The following ATF7IP2 variants were observed in gnomAD, a reference collection of about 807,000 sequenced individuals.
ATF7IP2 encodes the protein activating transcription factor 7-interacting protein 2.
In ATF7IP2, 42 loss-of-function variants were observed where a neutral mutation model predicts 64.2. The observed-to-expected ratio is 0.65, with a 90% CI of 0.51 to 0.85. ATF7IP2 has a LOEUF of 0.85. Ranked by LOEUF, ATF7IP2 falls within the 40% of genes least tolerant of loss-of-function variation. ATF7IP2 has a pLI of 0.00. For synonymous variants in ATF7IP2, 308 were observed against 272.8 expected (o/e 1.13, Z -1.27); for missense variants, 933 against 784.2 (o/e 1.19, Z -2.27).
At position 10,457,225 on chromosome 16, in the gene ATF7IP2, A is replaced by G. The variant is rs1447733251; in HGVS notation, c.1195-147A>G. On this transcript the variant is annotated intron_variant, in intron 8 of 13. Coordinates refer to ENST00000562102, the MANE Select transcript of ATF7IP2 (RefSeq NM_001393719.1). The stretch of plus-strand genomic sequence containing the variant: ...AATTCATTTTGGCAGGCAAATCACA[A>G]TCATGGTCATCAGCCATCGAAATAC... 4 of 646,846 alleles carry G rather than the reference A, an allele frequency of 6.2e-6. No homozygotes were observed. The East Asian group carries it at 9.2e-5, about 15-fold the overall frequency. 40.1% of individuals were successfully genotyped at this position (646,846 alleles called of 1,614,324 possible).
intron 1 of ATF7IP2, among the ~76,000 whole-genome samples, chr16:10,408,117 G>T (rs1300402707): frequency 6.6e-6 from 1 of 151,930 alleles, no homozygotes; most frequent in Non-Finnish European, 1.5e-5. Context: ...TCACAATGTT[G>T]GCCAGGATGA....
chr16:10,459,410 G>T (rs528357850), intron 9 of ATF7IP2, among the ~76,000 whole-genome samples: 4 of 151,722 alleles, frequency 2.6e-5, no homozygotes, highest in Admixed American at 6.6e-5. Context: ...GGAGCTTGCA[G>T]TGAGCCGGTA....
chr16:10,463,651 A>G (rs764653727), intron 9 of ATF7IP2, among the ~76,000 whole-genome samples: 2 of 152,094 alleles, frequency 1.3e-5, no homozygotes, highest in Non-Finnish European at 2.9e-5. Flanking sequence ...CAACCTCATG[A>G]GAAAACGTGA....
At chr16:10,432,191 A>G (rs979124751) in intron 5 of ATF7IP2, among the ~76,000 whole-genome samples, 1 of 152,034 alleles carries the variant, frequency 6.6e-6, no homozygotes, top group Middle Eastern at 3.2e-3. Context: ...AGTATGATAG[A>G]TAATATATTC....
intron 9 of ATF7IP2, among the ~76,000 whole-genome samples, chr16:10,463,397 T>A (rs146334479): frequency 4.0e-4 from 61 of 152,364 alleles, no homozygotes; most frequent in African/African-American, 1.4e-3. Context: ...TTCTAATGAA[T>A]AGAATATGGC....
At chr16:10,473,286 G>A (rs749680560) in intron 10 of ATF7IP2, among the ~76,000 whole-genome samples, 193 bp from the exon 11 acceptor site, 23 of 152,134 alleles carry the variant, frequency 1.5e-4, no homozygotes, top group Non-Finnish European at 2.2e-4. Context: ...AGACAAAATG[G>A]TTTGACCCAA....
At chr16:10,416,371 C>T (rs1469478651) in intron 2 of ATF7IP2, among the ~76,000 whole-genome samples, 2 of 152,114 alleles carry the variant, frequency 1.3e-5, no homozygotes, top group Non-Finnish European at 2.9e-5. Flanking sequence ...CTTATGTTCT[C>T]ACTTATTTGT....
intron 8 of ATF7IP2, among the ~76,000 whole-genome samples, chr16:10,455,083 T>C (rs947890248): frequency 2.6e-5 from 4 of 152,262 alleles, no homozygotes; most frequent in African/African-American, 4.8e-5. Context: ...TAGTGTTTTT[T>C]CGACCTTCTA....
intron 1 of ATF7IP2, among the ~76,000 whole-genome samples, chr16:10,407,320 TG>T (rs2047662588): frequency 6.6e-6 from 1 of 152,172 alleles, no homozygotes; most frequent in Non-Finnish European, 1.5e-5. Flanking sequence ...GTTTAAGATC[TG>T]GAACACAACA....
intron 8 of ATF7IP2, among the ~76,000 whole-genome samples, chr16:10,445,132 C>A (rs1454340774): frequency 6.6e-6 from 1 of 152,128 alleles, no homozygotes; most frequent in Non-Finnish European, 1.5e-5. Flanking sequence ...TTCCTATACA[C>A]CCATAAACTC....
intron 9 of ATF7IP2, among the ~76,000 whole-genome samples, chr16:10,462,739 C>G (rs570373797): frequency 6.6e-6 from 1 of 152,136 alleles, no homozygotes; most frequent in Non-Finnish European, 1.5e-5. Context: ...TGGCTTGATA[C>G]CTTTCATTAT....
Position 10,480,923 on chromosome 16 carries a change from A to T in ATF7IP2, c.1594A>T (p.Asn532Tyr), listed in dbSNP as rs558873911. ...GGAGTCACATTCGAAAGCTGCTTCA[A>T]ACTCAAAGGAAACAACCCCATTGGC... ...PLESHSKAASNSKETTPLAQN... is the reference protein window; with the variant it reads ...PLESHSKAASYSKETTPLAQN... The change falls in exon 13 of 14, where the codon AAC becomes TAC. Residue 532 changes from asparagine to tyrosine, a missense_variant. Asn to Tyr is a moderately radical substitution (Grantham distance 143). Coordinates refer to ENST00000562102, the MANE Select transcript of ATF7IP2 (RefSeq NM_001393719.1). The T allele has an allele frequency of 6.2e-7, 1 of 1,613,174 alleles. No homozygotes were observed. The highest frequency in any genetic ancestry group is 8.5e-7 in the Non-Finnish European group (1 of 1,179,286).
rs56180661 is a variant in ATF7IP2, at chr16:10,403,802, C to T, written c.-241-10772C>T. ...CAGAACTTTATGGCAATGAAAAATT[C>T]ATTGAAGAAATTTTGGAATGCATTT... is the stretch of plus-strand genomic sequence containing the variant. On this transcript the variant is annotated intron_variant, in intron 1 of 13. Coordinates refer to ENST00000562102, the MANE Select transcript of ATF7IP2 (RefSeq NM_001393719.1). Among the ~76,000 whole-genome samples the T allele has an allele frequency of 3.2e-3, 484 of 152,190 alleles. 1 individual carries two copies. Among genetic ancestry groups the T allele is most frequent in the African/African-American group, 0.011 (459 of 41,522 alleles).
intron 1 of ATF7IP2, among the ~76,000 whole-genome samples, chr16:10,410,195 C>T (rs575923635): frequency 6.6e-6 from 1 of 152,162 alleles, no homozygotes; most frequent in Admixed American, 6.5e-5. Context: ...TGTCTCTACC[C>T]ATCCGTGAGC....
chr16:10,405,070 G>C (rs1031040802), intron 1 of ATF7IP2, among the ~76,000 whole-genome samples: 9 of 152,042 alleles, frequency 5.9e-5, no homozygotes, highest in African/African-American at 2.2e-4. Flanking sequence ...CTTAATGAAA[G>C]GTCAATATTT....
intron 8 of ATF7IP2, chr16:10,449,393 C>T (rs905276581): frequency 1.3e-5 from 2 of 152,154 alleles, no homozygotes; most frequent in Admixed American, 6.6e-5. Flanking sequence ...GTACCAGCTC[C>T]TCTTTGTACC....
Position 10,474,293 on chromosome 16 carries a change from G to A in ATF7IP2, c.1549+304G>A, listed in dbSNP as rs115449401. ...TTTGATAATGCAGTATGTGTCCTTC[G>A]GAGATTGACTTCTTCCGAGGGTCAT... On this transcript the variant is annotated intron_variant, in intron 12 of 13. Coordinates refer to ENST00000562102, the MANE Select transcript of ATF7IP2 (RefSeq NM_001393719.1). 8.2e-3 allele frequency among the ~76,000 whole-genome samples: 1,254 copies of A among 152,090 alleles called. 13 individuals are homozygous for A. The highest frequency in any genetic ancestry group is 0.028 in the African/African-American group (1,167 of 41,476).
intron 8 of ATF7IP2, among the ~76,000 whole-genome samples, chr16:10,452,959 A>C (rs1477551016): frequency 6.6e-6 from 1 of 152,100 alleles, no homozygotes; most frequent in Admixed American, 6.5e-5. Flanking sequence ...ATCCCAGGTC[A>C]ACCTCAGACT....
intron 1 of ATF7IP2, among the ~76,000 whole-genome samples, chr16:10,407,463 T>A (rs2047666658): frequency 6.6e-6 from 1 of 152,140 alleles, no homozygotes; most frequent in Non-Finnish European, 1.5e-5. Context: ...GATGATAAGA[T>A]CTTATATTTG....
Sources: gnomAD v4.1 joint callset for allele counts (sites outside exome capture counted in the v4.1 genomes callset) on GRCh38, gnomAD v4.1.1 for gene constraint, MANE v1.5 for transcripts, NCBI Gene and HGNC (gene_info 2026-07-23, HGNC 2026-07-21) for gene names.